Variants in ENPP2 observed in about 807,000 individuals in gnomAD.
ENPP2 encodes the protein ectonucleotide pyrophosphatase/phosphodiesterase 2.
Under a neutral mutation model 120.2 loss-of-function variants are expected in ENPP2, and 51 were observed. That is an observed-to-expected ratio of 0.42 (90% CI 0.34 to 0.54). The LOEUF (loss-of-function observed/expected upper bound fraction) is 0.54. Among genes scored for constraint, ENPP2 ranks in the 20% least tolerant of loss-of-function variants. The pLI is 0.04. For missense variants in ENPP2, 920 were observed against 1,066.5 expected (o/e 0.86, Z 1.91); for synonymous variants, 365 against 366.4 (o/e 1.00, Z 0.04).
intron 20 of ENPP2, among the ~76,000 whole-genome samples, chr8:119,570,278 GA>G (rs575977847): frequency 0.04 from 3,044 of 76,812 alleles, 131 homozygotes; most frequent in African/African-American, 0.13. Context: ...CAAAACATTA[GA>G]AAAAAAAAAA....
At chr8:119,633,397 T>C (rs560712730) in intron 2 of ENPP2, among the ~76,000 whole-genome samples, 1 of 152,284 alleles carries the variant, frequency 6.6e-6, no homozygotes, top group African/African-American at 2.4e-5. Flanking sequence ...GCCCAGGTAT[T>C]TCCTGAAAGT....
intron 9 of ENPP2, among the ~76,000 whole-genome samples, chr8:119,605,570 C>T (rs1186821490): frequency 6.6e-6 from 1 of 151,520 alleles, no homozygotes; most frequent in Non-Finnish European, 1.5e-5. Flanking sequence ...AAGCCATTCT[C>T]CTGCCTCAGC....
intron 13 of ENPP2, among the ~76,000 whole-genome samples, chr8:119,588,528 CAAAAAAAAA>C (rs58771451): frequency 1.5e-5 from 1 of 68,198 alleles, no homozygotes; most frequent in Non-Finnish European, 2.7e-5. Flanking sequence ...AACTCCGCCT[CAAAAAAAAA>C]AAAAAAAAAA....
intron 1 of ENPP2, among the ~76,000 whole-genome samples, chr8:119,653,560 T>A (rs1357768300): frequency 6.6e-6 from 1 of 152,160 alleles, no homozygotes; most frequent in Non-Finnish European, 1.5e-5. Flanking sequence ...CAGCCCAATG[T>A]GCTCAGTGAG....
chr8:119,596,888 G>T (rs747211222), intron 11 of ENPP2, among the ~76,000 whole-genome samples: 122 of 151,992 alleles, frequency 8.0e-4, no homozygotes, highest in Non-Finnish European at 1.3e-3. Context: ...ATAACCTTTT[G>T]GGATTTCCAA....
chr8:119,654,359 T>C (rs987436962), intron 1 of ENPP2, among the ~76,000 whole-genome samples: 1 of 143,832 alleles, frequency 7.0e-6, no homozygotes, highest in African/African-American at 2.5e-5. Context: ...TAATATTTAA[T>C]ATATAATTAT....
intron 8 of ENPP2, among the ~76,000 whole-genome samples, chr8:119,615,447 C>G (rs1815392888): frequency 6.6e-6 from 1 of 152,194 alleles, no homozygotes; most frequent in African/African-American, 2.4e-5. Flanking sequence ...TTGCTCATGT[C>G]TGACCAAAGC....
intron 1 of ENPP2, 57 bp downstream of exon 1, chr8:119,638,691 A>G (rs1295331075): frequency 2.1e-5 from 25 of 1,173,088 alleles, no homozygotes; most frequent in African/African-American, 3.0e-5. Context: ...GAAAATGCCA[A>G]TCAGTCACTG....
In ENPP2 at chr8:119,569,371, C is replaced by T; in HGVS notation, c.1918-1G>A. 4 of 1,613,798 alleles carry T rather than the reference C, an allele frequency of 2.5e-6. No homozygotes were observed. The highest frequency in any genetic ancestry group is 3.4e-6 in the Non-Finnish European group (4 of 1,179,962). ...GGTCAGGAACGCTGGAAACCTCAGC[C>T]TGCACGGGAGTCAGAGGCACTCAGC... On this transcript the variant is annotated splice_acceptor_variant, in intron 20 of 24. Transcript: ENST00000075322. LOFTEE classifies it high-confidence loss of function.
intron 5 of ENPP2, among the ~76,000 whole-genome samples, chr8:119,618,792 C>T (rs1815665910): frequency 6.6e-6 from 1 of 152,000 alleles, no homozygotes; most frequent in African/African-American, 2.4e-5. Flanking sequence ...GCCTCAGCCT[C>T]CCAAGTGCTG....
intron 1 of ENPP2, among the ~76,000 whole-genome samples, chr8:119,651,109 G>T (rs1241460149): frequency 6.6e-6 from 1 of 152,178 alleles, no homozygotes; most frequent in Non-Finnish European, 1.5e-5. Context: ...CTGACAGGGA[G>T]ATCAGGACAG....
At chr8:119,568,835 G>A (rs556253547) in intron 21 of ENPP2, among the ~76,000 whole-genome samples, 1 of 152,238 alleles carries the variant, frequency 6.6e-6, no homozygotes, top group Non-Finnish European at 1.5e-5. Context: ...CTGGACTCAA[G>A]CAACCCTCCC....
At chr8:119,628,493 A>G (rs758582094) in intron 2 of ENPP2, among the ~76,000 whole-genome samples, 3 of 152,180 alleles carry the variant, frequency 2.0e-5, no homozygotes, top group Non-Finnish European at 2.9e-5. Flanking sequence ...AGATCCTGAA[A>G]TCAACCAAAG....
intron 24 of ENPP2, among the ~76,000 whole-genome samples, chr8:119,561,774 G>A (rs1007149426): frequency 1.3e-5 from 2 of 150,812 alleles, no homozygotes; most frequent in African/African-American, 2.5e-5. Flanking sequence ...TTTCTTTCTC[G>A]CTTGCTCTTG....
In ENPP2 at chr8:119,591,192, T is replaced by C. The variant is rs554573588; in HGVS notation, c.1082-562A>G. On this transcript the variant is annotated intron_variant, in intron 12 of 24. Coordinates refer to ENST00000075322, the MANE Select transcript of ENPP2 (RefSeq NM_001040092.3). ...GCCTTGGATGTTACTGACAAAACAATACTGGCAACAAGAGATGAGAAAGAA... is the reference window on the plus strand; with the variant it reads ...GCCTTGGATGTTACTGACAAAACAACACTGGCAACAAGAGATGAGAAAGAA... 2.0e-5 allele frequency among the ~76,000 whole-genome samples: 3 copies of C among 152,148 alleles called. No individual in the cohort carries two copies. The South Asian group carries it at 6.2e-4, about 32-fold the overall frequency.
chr8:119,581,265 CAA>C (rs5894487), intron 18 of ENPP2, among the ~76,000 whole-genome samples: 135 of 111,726 alleles, frequency 1.2e-3, no homozygotes, highest in East Asian at 0.011. Context: ...GACTCCATCT[CAA>C]AAAAAAAAAA....
chr8:119,647,809 G>A (rs113152126), intron 1 of ENPP2, among the ~76,000 whole-genome samples: 37 of 152,134 alleles, frequency 2.4e-4, no homozygotes, highest in Non-Finnish European at 1.6e-4. Flanking sequence ...GATCGATGCC[G>A]ACCTGGCCAA....
intron 1 of ENPP2, among the ~76,000 whole-genome samples, chr8:119,646,953 C>T (rs992970473): frequency 4.6e-5 from 7 of 151,960 alleles, no homozygotes; most frequent in African/African-American, 1.7e-4. Flanking sequence ...CATCTTCACA[C>T]AGAACAACAA....
chr8:119,587,108 A>T lies in ENPP2; in HGVS notation c.1208-33T>A, dbSNP rs200593249. 3.2e-6 allele frequency: 5 copies of T among 1,567,470 alleles called. No homozygotes were observed. In the East Asian group the frequency reaches 1.1e-4, roughly 35 times the overall value. The stretch of plus-strand genomic sequence containing the variant: ...AAGAGAGGAGAAAGATTTCAAAAGA[A>T]ATAACAACCATTACCAAGAGAAATC... On this transcript the variant is annotated intron_variant, in intron 13 of 24. Coordinates refer to ENST00000075322, the MANE Select transcript of ENPP2 (RefSeq NM_001040092.3).
Sources: allele counts gnomAD v4.1 joint callset (sites outside exome capture counted in the v4.1 genomes callset), GRCh38; gene constraint gnomAD v4.1.1; transcripts MANE v1.5; gene names NCBI Gene and HGNC (gene_info 2026-07-23, HGNC 2026-07-21).